Variants in DOT1L observed in about 807,000 individuals in gnomAD.
DOT1L encodes the protein DOT1 like histone lysine methyltransferase.
Under a neutral mutation model 153.3 loss-of-function variants are expected in DOT1L, and 33 were observed. The ratio of observed to expected loss-of-function variants is 0.22; its 90% CI spans 0.16 to 0.29. DOT1L has a LOEUF of 0.29. Ranked by LOEUF, DOT1L falls within the 10% of genes least tolerant of loss-of-function variation. The pLI, the probability that DOT1L is intolerant of heterozygous loss-of-function variation, is 1.00. For synonymous variants in DOT1L, 1,135 were observed against 965.1 expected (o/e 1.18, Z -3.26); for missense variants, 1,847 against 2,119.9 (o/e 0.87, Z 2.53).
At chr19:2,199,661 C>T (rs963592555) in intron 7 of DOT1L, among the ~76,000 whole-genome samples, 1 of 152,224 alleles carries the variant, frequency 6.6e-6, no homozygotes, top group African/African-American at 2.4e-5. Context: ...GCACGAGGAC[C>T]TGTCCCGGCT....
In DOT1L at chr19:2,216,709, C is replaced by A. The variant is rs761370705; in HGVS notation, c.2352C>A (p.His784Gln). 1 of 1,601,868 alleles carries A rather than the reference C, an allele frequency of 6.2e-7. No individual in the cohort carries two copies. The highest frequency in any genetic ancestry group is 1.1e-5 in the South Asian group (1 of 91,054). The change falls in exon 20 of 28, where the codon CAC (histidine) becomes CAA (glutamine). Residue 784 changes from histidine to glutamine, a missense_variant. His to Gln is a conservative substitution (Grantham distance 24). Coordinates refer to ENST00000398665, the MANE Select transcript of DOT1L (RefSeq NM_032482.3). ...CGGCCAAGATTGTGCTGAGGCGGCACCTGAGCCAGGACCACACGGTGCCCG... is the reference window on the plus strand; with the variant it reads ...CGGCCAAGATTGTGCTGAGGCGGCAACTGAGCCAGGACCACACGGTGCCCG... ...LSPAKIVLRR[H>Q]LSQDHTVPGR... is the part of the protein sequence containing the mutation.
At chr19:2,184,385 G>GACACTGAAAGACACACTGA (rs1470858145) in intron 2 of DOT1L, among the ~76,000 whole-genome samples, 3 of 152,102 alleles carry the variant, frequency 2.0e-5, no homozygotes, top group African/African-American at 7.2e-5. Context: ...TTTCAGTGTG[G>GACACTGAAAGACACACTGA]AAGGGTCTTG....
intron 27 of DOT1L, 172 bp from the exon 28 acceptor site, chr19:2,229,613 C>T: frequency 1.0e-6 from 1 of 985,438 alleles, no homozygotes; most frequent in Non-Finnish European, 1.2e-6. Context: ...TGTCACGGGG[C>T]ACGCCCGTCG....
chr19:2,200,951 TC>T (rs1231126342), intron 8 of DOT1L, among the ~76,000 whole-genome samples: 1 of 143,060 alleles, frequency 7.0e-6, no homozygotes, highest in Non-Finnish European at 1.5e-5. Context: ...GCATTCCTCG[TC>T]CTCCCCGCAT....
At position 2,197,972 on chromosome 19, in the gene DOT1L, A is replaced by G. The variant is rs977118984; in HGVS notation, c.652-1912A>G. Among the ~76,000 whole-genome samples the G allele has an allele frequency of 2.2e-4, 33 of 152,168 alleles. No homozygotes were observed. The highest frequency in any genetic ancestry group is 7.5e-4 in the African/African-American group (31 of 41,452). On this transcript the variant is annotated intron_variant, in intron 7 of 27. Transcript: ENST00000398665. This position sits in a 1 kb window ranked among gnomAD's most constrained non-coding sequence, Gnocchi z 4.1. Reference sequence around the variant, plus strand: ...CCTGTGCTCCACTTGGGAGGCTCCAAGTCCTCCCGCCTGAGCAGTGTCACC... The same window carrying G: ...CCTGTGCTCCACTTGGGAGGCTCCAGGTCCTCCCGCCTGAGCAGTGTCACC...
Position 2,216,963 on chromosome 19 carries a change from A to G in DOT1L, c.2417A>G (p.His806Arg). 2 of 1,612,162 alleles carry G rather than the reference A, an allele frequency of 1.2e-6. 1 individual carries two copies. Residue 806 changes from histidine to arginine, a missense_variant, in exon 21 of 28, where the codon CAC (histidine) becomes CGC (arginine). His to Arg is a conservative substitution (Grantham distance 29). Coordinates refer to ENST00000398665, the MANE Select transcript of DOT1L (RefSeq NM_032482.3). The part of the protein sequence containing the change: ...AASELHSRAE[H>R]TKENGLPYQS... ...GCAGCTTCTCATTCCAGAGCTGAGC[A>G]CACCAAGGAGAACGGCCTTCCCTAC...
rs960132854 is a variant in DOT1L at position 2,231,959 on chromosome 19, G to A, written c.*2167G>A. 1.8e-4 allele frequency: 39 copies of A among 211,506 alleles called. No homozygotes were observed. The highest frequency in any genetic ancestry group is 5.9e-5 in the Admixed American group (1 of 16,988). 13.1% of individuals were successfully genotyped at this position (211,506 alleles called of 1,614,324 possible). On this transcript the variant is annotated 3_prime_UTR_variant, in exon 28 of 28. Transcript: ENST00000398665. ...CTGGGTCATATGCGTGTCACCACAC[G>A]TGAACTAGTGTGGTGGCTGCCTGCG...
intron 7 of DOT1L, among the ~76,000 whole-genome samples, chr19:2,199,597 T>G (rs989800678): frequency 2.6e-5 from 4 of 152,192 alleles, no homozygotes; most frequent in Non-Finnish European, 5.9e-5. Context: ...AGGTGTGTGT[T>G]GGTGTGGCCG....
chr19:2,208,896 G>A lies in DOT1L; in HGVS notation c.964-39G>A. The stretch of plus-strand genomic sequence containing the variant: ...TCCAGACAAATCCGAACAGAGATTG[G>A]GACTCCCTTCTAATCAGGGTTCTCT... On this transcript the variant is annotated intron_variant, in intron 11 of 27. Transcript: ENST00000398665. This position sits in a 1 kb window ranked among gnomAD's most constrained non-coding sequence, Gnocchi z 4.4. 1.2e-6 allele frequency: 2 copies of A among 1,603,736 alleles called. No homozygotes were observed. The highest frequency in any genetic ancestry group is 1.7e-6 in the Non-Finnish European group (2 of 1,174,416).
In DOT1L at chr19:2,228,000, C is replaced by T. The variant is rs1282656159; in HGVS notation, c.4606+873C>T. On this transcript the variant is annotated intron_variant, in intron 27 of 27. Coordinates refer to ENST00000398665, the MANE Select transcript of DOT1L (RefSeq NM_032482.3). ...GCCCGTCCTCCACGCCCCCCCTCCA[C>T]CTAACGCCGCCTTGCCTCCTCCCCC... is the stretch of plus-strand genomic sequence containing the variant. The T allele has an allele frequency of 9.3e-6, 12 of 1,291,070 alleles. 1 individual carries two copies. Among genetic ancestry groups the T allele is most frequent in the Non-Finnish European group, 1.2e-5 (12 of 986,336 alleles). 80.0% of individuals were successfully genotyped at this position (1,291,070 alleles called of 1,614,324 possible).
intron 1 of DOT1L, 85 bp downstream of exon 1, chr19:2,164,350 G>A: frequency 1.0e-6 from 1 of 965,868 alleles, no homozygotes. Context: ...CCCAAGCCGC[G>A]CTCACCGGTC....
rs1568345625 is a variant in DOT1L, at chr19:2,197,183, T to TGACCAGGACTTGCGC, written c.651+2607_651+2621dup. Among the ~76,000 whole-genome samples, 1 of 152,196 alleles carries TGACCAGGACTTGCGC rather than the reference T, an allele frequency of 6.6e-6. No homozygotes were observed. Among genetic ancestry groups the TGACCAGGACTTGCGC allele is most frequent in the African/African-American group, 2.4e-5 (1 of 41,450 alleles). Reference sequence around the variant, plus strand: ...CCCTCGGCTTCTGTTCTGCTGTCTTTGACCAGGACTTGCGCATCCAGGGCT... The same window carrying TGACCAGGACTTGCGC: ...CCCTCGGCTTCTGTTCTGCTGTCTTTGACCAGGACTTGCGCGACCAGGACTTGCGCATCCAGGGCT... On this transcript the variant is annotated intron_variant, in intron 7 of 27. Coordinates refer to ENST00000398665, the MANE Select transcript of DOT1L (RefSeq NM_032482.3). The surrounding 1 kb of genome is among the most constrained non-coding windows in gnomAD (Gnocchi z 4.1).
intron 1 of DOT1L, among the ~76,000 whole-genome samples, chr19:2,177,318 A>C (rs1014238871): frequency 1.3e-5 from 2 of 152,008 alleles, no homozygotes; most frequent in African/African-American, 4.8e-5. Context: ...TTTTGGGAGA[A>C]AAAGTTTTGC....
At position 2,210,498 on chromosome 19, in the gene DOT1L, C is replaced by T. The variant is rs142127010; in HGVS notation, c.1104C>T (p.Ala368=). 922 of 1,594,396 alleles carry T rather than the reference C, an allele frequency of 5.8e-4. 6 individuals are homozygous for T. In the African/African-American group the frequency reaches 0.011, roughly 18 times the overall value. The change falls in exon 13 of 28, where the codon GCC becomes GCT. Residue 368 remains alanine (A), a synonymous_variant. Transcript: ENST00000398665. ...CAGAGGGCAAGGTGGCCGGCCCCGC[C>T]GACGCCCCCATGGTAAGGCCCCAGC... is the stretch of plus-strand genomic sequence containing the variant. ...KGPEGKVAGP[A]DAPMDSGAEE...
chr19:2,200,814 C>T (rs2023231649), intron 8 of DOT1L, among the ~76,000 whole-genome samples: 1 of 140,478 alleles, frequency 7.1e-6, no homozygotes, highest in Non-Finnish European at 1.5e-5. Context: ...TCGTCCTCCC[C>T]ACGCCTCTCG....
Position 2,216,628 on chromosome 19 carries a change from G to A in DOT1L, c.2271G>A (p.Arg757=), listed in dbSNP as rs768703410. Reference sequence around the variant, plus strand: ...CCTGTACCCCTAGCCACGTCGGCCGGCCGCGCCTGGAGAAGCTGTCTGGCC... The same window carrying A: ...CCTGTACCCCTAGCCACGTCGGCCGACCGCGCCTGGAGAAGCTGTCTGGCC... ...VVPCTPSHVG[R]PRLEKLSGLA... The change falls in exon 20 of 28, where the codon CGG becomes CGA. Residue 757 remains arginine, a synonymous_variant. Transcript: ENST00000398665. 5.0e-6 allele frequency: 8 copies of A among 1,605,772 alleles called. No individual in the cohort carries two copies. Among genetic ancestry groups the A allele is most frequent in the Non-Finnish European group, 5.9e-6 (7 of 1,179,904 alleles).
At position 2,228,439 on chromosome 19, in the gene DOT1L, G is replaced by A. The variant is rs1331691989; in HGVS notation, c.4606+1312G>A. The stretch of plus-strand genomic sequence containing the variant: ...CCAGACACTGAACTGTCCTTCCTTT[G>A]GCAGAGAAGACGGCCACAGGGCTCG... On this transcript the variant is annotated intron_variant, in intron 27 of 27. Transcript: ENST00000398665. 1.5e-5 allele frequency: 18 copies of A among 1,232,002 alleles called. No homozygotes were observed. The Admixed American group carries it at 5.2e-4, about 36-fold the overall frequency. 76.3% of individuals were successfully genotyped at this position (1,232,002 alleles called of 1,614,324 possible). A position where few individuals can be genotyped will look rare whatever the true frequency, so the allele number is the denominator to read the frequency against.
Position 2,213,657 on chromosome 19 carries a change from G to C in DOT1L, c.1659+17G>C. On this transcript the variant is annotated intron_variant, in intron 17 of 27. Transcript: ENST00000398665. ...TTGGATGAGGTAGTGGACCCCAGAG[G>C]GCAGGTGGCAGGTGGCAGCTGGGGC... is the stretch of plus-strand genomic sequence containing the variant. The C allele has an allele frequency of 6.2e-7, 1 of 1,612,814 alleles. No individual in the cohort carries two copies. The highest frequency in any genetic ancestry group is 2.2e-5 in the East Asian group (1 of 44,874).
intron 7 of DOT1L, among the ~76,000 whole-genome samples, chr19:2,196,004 C>G (rs1007253532): frequency 6.6e-6 from 1 of 152,216 alleles, no homozygotes; most frequent in African/African-American, 2.4e-5. Context: ...TGTGCCCGCC[C>G]GTCTGCCTGG....
Sources: allele counts gnomAD v4.1 joint callset (sites outside exome capture counted in the v4.1 genomes callset), GRCh38; gene constraint gnomAD v4.1.1; non-coding constraint Gnocchi (gnomAD v3.1); transcripts MANE v1.5; gene names NCBI Gene and HGNC (gene_info 2026-07-23, HGNC 2026-07-21).